The following SLC43A2 variants were observed in gnomAD, a reference collection of about 807,000 sequenced individuals.
SLC43A2 encodes the protein solute carrier family 43 member 2.
Under a neutral mutation model 63.2 loss-of-function variants are expected in SLC43A2, and 38 were observed. The ratio of observed to expected loss-of-function variants is 0.60; its 90% CI spans 0.46 to 0.79. The LOEUF (loss-of-function observed/expected upper bound fraction) is 0.79. Among genes scored for constraint, SLC43A2 ranks in the 30% least tolerant of loss-of-function variants. SLC43A2 has a pLI of 0.00. For missense variants in SLC43A2, 644 were observed against 756.2 expected (o/e 0.85, Z 1.74); for synonymous variants, 322 against 331.0 (o/e 0.97, Z 0.30).
chr17:1,611,904 G>A (rs1175955139), intron 5 of SLC43A2, among the ~76,000 whole-genome samples: 2 of 9,560 alleles, frequency 2.1e-4, no homozygotes, highest in Non-Finnish European at 0.011. Flanking sequence ...CCAACTGGGC[G>A]AGCCCACAGA....
intron 10 of SLC43A2, among the ~76,000 whole-genome samples, chr17:1,585,057 C>T (rs1017399209): frequency 1.3e-5 from 2 of 151,296 alleles, no homozygotes; most frequent in Non-Finnish European, 2.9e-5. Context: ...GAATGAAAGT[C>T]ACCATCTGAG....
At chr17:1,584,195 G>A (rs1289459899) in intron 10 of SLC43A2, among the ~76,000 whole-genome samples, 1 of 151,914 alleles carries the variant, frequency 6.6e-6, no homozygotes, top group Non-Finnish European at 1.5e-5. Context: ...GCCCGGCCAA[G>A]CACCCTCTGC....
Position 1,578,920 on chromosome 17 carries a change from A to G in SLC43A2, c.1351-597T>C, listed in dbSNP as rs1169025764. ...CTTTGGGAGGCCGAGGAGGTGGATC[A>G]CCTGAGGTCAGGAGTTCGAAACCAG... On this transcript the variant is annotated intron_variant, in intron 11 of 13. Coordinates refer to ENST00000301335, the MANE Select transcript of SLC43A2 (RefSeq NM_152346.3). This position sits in a 1 kb window ranked among gnomAD's most constrained non-coding sequence, Gnocchi z 6.5. Among the ~76,000 whole-genome samples the G allele has an allele frequency of 2.6e-5, 4 of 152,088 alleles. No individual in the cohort carries two copies. The East Asian group carries it at 7.8e-4, about 30-fold the overall frequency.
chr17:1,627,363 T>A (rs1187949450), intron 2 of SLC43A2, among the ~76,000 whole-genome samples: 1 of 152,086 alleles, frequency 6.6e-6, no homozygotes, highest in South Asian at 2.1e-4. Flanking sequence ...GCAACATGTT[T>A]ACTACCAGCC....
intron 5 of SLC43A2, among the ~76,000 whole-genome samples, chr17:1,600,153 T>TATATA (rs1491178977): frequency 1.6e-3 from 62 of 38,250 alleles, no homozygotes; most frequent in South Asian, 8.0e-3. Flanking sequence ...TATATATATA[T>TATATA]TTTTTTTTTT....
chr17:1,587,804 G>A (rs1246086956), intron 9 of SLC43A2, among the ~76,000 whole-genome samples: 1 of 152,220 alleles, frequency 6.6e-6, no homozygotes, highest in African/African-American at 2.4e-5. Flanking sequence ...CATGTCACCT[G>A]TCAACTCTTA....
chr17:1,622,784 G>A lies in SLC43A2; in HGVS notation c.160+4931C>T, dbSNP rs572699885. 3.0e-4 allele frequency among the ~76,000 whole-genome samples: 45 copies of A among 151,936 alleles called. 1 individual carries two copies. The South Asian group carries it at 9.4e-3, about 32-fold the overall frequency. On this transcript the variant is annotated intron_variant, in intron 2 of 13. Transcript: ENST00000301335. ...CAAAAATTAGCCGGGTGTGGTGGTG[G>A]GCACCTGTAATCCCAGCTATTTGGG...
chr17:1,622,406 A>G (rs1908240534), intron 2 of SLC43A2, among the ~76,000 whole-genome samples: 1 of 151,956 alleles, frequency 6.6e-6, no homozygotes, highest in Admixed American at 6.6e-5. Context: ...TACTAAAAAT[A>G]CAAAAAAATT....
intron 5 of SLC43A2, among the ~76,000 whole-genome samples, chr17:1,599,362 C>G (rs899993428): frequency 6.6e-6 from 1 of 150,920 alleles, no homozygotes; most frequent in African/African-American, 2.4e-5. Context: ...AAAAGCATAT[C>G]CATTGCAAAA....
At position 1,578,243 on chromosome 17, in the gene SLC43A2, G is replaced by A. The variant is rs1567607299; in HGVS notation, c.1424+7C>T. On this transcript the variant is annotated splice_region_variant and intron_variant, in intron 12 of 13. Coordinates refer to ENST00000301335, the MANE Select transcript of SLC43A2 (RefSeq NM_152346.3). The surrounding 1 kb of genome is among the most constrained non-coding windows in gnomAD (Gnocchi z 6.5). ...CCACCAGGCCACCTGCGGCTTCCAGGACTTACACGGCAGCGTACAGGCCCC... is the reference window on the plus strand; with the variant it reads ...CCACCAGGCCACCTGCGGCTTCCAGAACTTACACGGCAGCGTACAGGCCCC... 6 of 1,612,108 alleles carry A rather than the reference G, an allele frequency of 3.7e-6. No homozygotes were observed. Among genetic ancestry groups the A allele is most frequent in the Non-Finnish European group, 5.1e-6 (6 of 1,178,592 alleles).
In SLC43A2 at chr17:1,606,706, C is replaced by T. The variant is rs763135542; in HGVS notation, c.501+6489G>A. 1.6e-4 allele frequency among the ~76,000 whole-genome samples: 24 copies of T among 152,218 alleles called. No individual in the cohort carries two copies. Among genetic ancestry groups the T allele is most frequent in the Non-Finnish European group, 2.2e-4 (15 of 68,030 alleles). On this transcript the variant is annotated intron_variant, in intron 5 of 13. Coordinates refer to ENST00000301335, the MANE Select transcript of SLC43A2 (RefSeq NM_152346.3). This position sits in a 1 kb window ranked among gnomAD's most constrained non-coding sequence, Gnocchi z 4.7. ...CGCGAGGCACTGAACAAACACTGAG[C>T]GTGCCGTCCAGATGTCCCGGGGGAG...
At chr17:1,619,037 G>A (rs1174744788) in intron 2 of SLC43A2, among the ~76,000 whole-genome samples, 2 of 151,118 alleles carry the variant, frequency 1.3e-5, no homozygotes, top group African/African-American at 4.9e-5. Flanking sequence ...CGGGTACAGT[G>A]GCTCAGTCTG....
chr17:1,627,663 T>TC lies in SLC43A2; in HGVS notation c.160+51dup. ...AGGTCTTCGCCCCCATCCCGCCCCC[T>TC]CCCAAAGCCCCAGCTCCAGGAGCCC... On this transcript the variant is annotated intron_variant, in intron 2 of 13. Coordinates refer to ENST00000301335, the MANE Select transcript of SLC43A2 (RefSeq NM_152346.3). 1.4e-5 allele frequency: 4 copies of TC among 292,902 alleles called. No individual in the cohort carries two copies. The South Asian group carries it at 1.6e-4, about 11-fold the overall frequency. 18.1% of individuals were successfully genotyped at this position (292,902 alleles called of 1,614,324 possible).
chr17:1,596,704 C>T (rs547819918), intron 5 of SLC43A2, among the ~76,000 whole-genome samples: 3 of 152,112 alleles, frequency 2.0e-5, no homozygotes, highest in East Asian at 1.9e-4. Context: ...CTCAGCCTCC[C>T]GAGCGGCACC....
intron 11 of SLC43A2, among the ~76,000 whole-genome samples, chr17:1,580,209 T>C (rs1056842329): frequency 4.6e-5 from 7 of 152,316 alleles, no homozygotes; most frequent in Admixed American, 1.3e-4. Context: ...TGAGCCACCG[T>C]GCCCGGCCAG....
intron 5 of SLC43A2, among the ~76,000 whole-genome samples, chr17:1,607,098 G>A (rs559838884): frequency 9.2e-4 from 136 of 148,612 alleles, no homozygotes; most frequent in Non-Finnish European, 1.4e-3. Context: ...CAAAGGCCCC[G>A]GGACCCAGGA....
Position 1,575,529 on chromosome 17 carries a change from G to A in SLC43A2, c.*75C>T, listed in dbSNP as rs1390604792. The A allele has an allele frequency of 1.3e-5, 20 of 1,585,390 alleles. No individual in the cohort carries two copies. The Admixed American group carries it at 3.3e-4, about 26-fold the overall frequency. On this transcript the variant is annotated 3_prime_UTR_variant, in exon 14 of 14. Transcript: ENST00000301335. The stretch of plus-strand genomic sequence containing the variant: ...CGGCGAAGGTCCTGGGGGTGCGTGG[G>A]GTACTCTGGAGGGGCAGGACAGGGG...
In SLC43A2 at chr17:1,578,347, G is replaced by A. The variant is rs765941450; in HGVS notation, c.1351-24C>T. 3 of 1,612,476 alleles carry A rather than the reference G, an allele frequency of 1.9e-6. No homozygotes were observed. The highest frequency in any genetic ancestry group is 2.5e-6 in the Non-Finnish European group (3 of 1,179,194). ...ATCTGGGGGAGGAAAAGGCGACTGT[G>A]GGCATAAGGCCTTAAGGGACCGTCC... On this transcript the variant is annotated intron_variant, in intron 11 of 13. Transcript: ENST00000301335. This position sits in a 1 kb window ranked among gnomAD's most constrained non-coding sequence, Gnocchi z 6.5.
chr17:1,585,876 C>A, intron 10 of SLC43A2, 37 bp downstream of exon 10: 1 of 1,612,718 alleles, frequency 6.2e-7, no homozygotes, highest in South Asian at 1.1e-5. Flanking sequence ...GCAGGGGCTG[C>A]GGGCTGGGAG....
Sources: allele counts gnomAD v4.1 joint callset (sites outside exome capture counted in the v4.1 genomes callset), GRCh38; gene constraint gnomAD v4.1.1; non-coding constraint Gnocchi (gnomAD v3.1); transcripts MANE v1.5; gene names NCBI Gene and HGNC (gene_info 2026-07-23, HGNC 2026-07-21).